Variants in ZC3HAV1 observed in about 807,000 individuals in gnomAD.
ZC3HAV1 encodes zinc finger CCCH-type antiviral protein 1.
ZC3HAV1 carries 41 observed loss-of-function variants against 86.6 expected under a neutral mutation model. That is an observed-to-expected ratio of 0.47 (90% CI 0.37 to 0.61). The LOEUF is 0.61. ZC3HAV1 is among the 20% of genes least tolerant of loss of function. ZC3HAV1 has a pLI of 0.00. For missense variants in ZC3HAV1, 964 were observed against 1,141.1 expected, an observed-to-expected ratio of 0.84 and a Z score of 2.24; for synonymous variants, 421 against 432.1, an observed-to-expected ratio of 0.97 and a Z score of 0.32.
chr7:139,085,938 C>T (rs770887061), intron 2 of ZC3HAV1, among the ~76,000 whole-genome samples: 7 of 151,740 alleles, frequency 4.6e-5, no homozygotes, highest in East Asian at 1.9e-4. Context: ...TGCTTGAACC[C>T]GAGACGGAGG....
intron 6 of ZC3HAV1, 83 bp downstream of exon 6, chr7:139,076,203 T>A: frequency 6.4e-7 from 1 of 1,568,466 alleles, no homozygotes; most frequent in Non-Finnish European, 8.7e-7. Context: ...AAGTGTTTTT[T>A]TCTTTTTCCC....
In ZC3HAV1 at chr7:139,047,328, C is replaced by CAAAAAAA. The variant is rs367919128; in HGVS notation, c.*259_*265dup. The CAAAAAAA allele has an allele frequency of 1.1e-5, 3 of 262,006 alleles. No individual in the cohort carries two copies. Among genetic ancestry groups the CAAAAAAA allele is most frequent in the East Asian group, 1.4e-4 (1 of 6,942 alleles). The allele number at this position is 262,006 out of a possible 1,614,324, so 16.2% of individuals were successfully genotyped here. A position where few individuals can be genotyped will look rare whatever the true frequency, so the allele number is the denominator to read the frequency against. On this transcript the variant is annotated 3_prime_UTR_variant, in exon 13 of 13. Coordinates refer to ENST00000242351, the MANE Select transcript of ZC3HAV1 (RefSeq NM_020119.4). ...TGGACGATGGAGTGAGATTCAGTCT[C>CAAAAAAA]AAAAAAAAAAAAAAAAAAAAAAATA...
rs1563134121 is a variant in ZC3HAV1, at chr7:139,080,188, ATCTCTAC to A, written c.746_752del (p.Ser249IlefsTer81). The A allele has an allele frequency of 6.2e-7, 1 of 1,614,142 alleles. No individual in the cohort carries two copies. The highest frequency in any genetic ancestry group is 1.1e-5 in the South Asian group (1 of 91,084). ...ATTCTTGGCTGCCCTGAAAGAACCGATCTCTACTCTTGCTTCTAGCCCTATATGCCAT... is the reference window on the plus strand; with the variant it reads ...ATTCTTGGCTGCCCTGAAAGAACCGATCTTGCTTCTAGCCCTATATGCCAT... On this transcript the variant is annotated frameshift_variant, in exon 4 of 13. Transcript: ENST00000242351. LOFTEE classifies it high-confidence loss of function.
intron 1 of ZC3HAV1, among the ~76,000 whole-genome samples, chr7:139,101,715 C>T (rs1009988106): frequency 6.6e-6 from 1 of 150,996 alleles, no homozygotes; most frequent in Non-Finnish European, 1.5e-5. Context: ...TACCCCCAAC[C>T]CTGTGCTCTC....
chr7:139,088,827 G>A (rs1030658800), intron 2 of ZC3HAV1, among the ~76,000 whole-genome samples: 4 of 152,206 alleles, frequency 2.6e-5, no homozygotes, highest in Non-Finnish European at 4.4e-5. Context: ...AACAGGCCGG[G>A]TATGGTGGCT....
rs77289885 is a variant in ZC3HAV1 at position 139,075,433 on chromosome 7, T to A, written c.1697+853A>T. 6.7e-3 allele frequency among the ~76,000 whole-genome samples: 1,015 copies of A among 152,182 alleles called. 13 individuals are homozygous for A. The highest frequency in any genetic ancestry group is 0.022 in the African/African-American group (921 of 41,528). On this transcript the variant is annotated intron_variant, in intron 6 of 12. Coordinates refer to ENST00000242351, the MANE Select transcript of ZC3HAV1 (RefSeq NM_020119.4). ...TCAGCTCTTCCAGAAGGAGAAATGT[T>A]TTTACTTATTTATTTTTGAGACAGG...
intron 1 of ZC3HAV1, among the ~76,000 whole-genome samples, chr7:139,104,191 A>G (rs1344191367): frequency 1.3e-5 from 2 of 152,144 alleles, no homozygotes; most frequent in African/African-American, 2.4e-5. Context: ...GAAACAGTCA[A>G]CTAGTCCTCT....
In ZC3HAV1 at chr7:139,080,149, A is replaced by G. The variant is rs1411637914; in HGVS notation, c.792T>C (p.Ala264=). 1 of 1,614,232 alleles carries G rather than the reference A, an allele frequency of 6.2e-7. No individual in the cohort carries two copies. The highest frequency in any genetic ancestry group is 8.5e-7 in the Non-Finnish European group (1 of 1,180,046). Residue 264 remains alanine (A), a synonymous_variant, in exon 4 of 13, where the codon GCT becomes GCC. Coordinates refer to ENST00000242351, the MANE Select transcript of ZC3HAV1 (RefSeq NM_020119.4). The stretch of plus-strand genomic sequence containing the variant: ...TGCAGGACCTCTCAGCAGACGCTGA[A>G]GCAGACGCAAGAAATTCTTGGCTGC... ...FQGSQEFLAS[A]SASAERSCTP...
At position 139,079,774 on chromosome 7, in the gene ZC3HAV1, G is replaced by T. The variant is rs770011735; in HGVS notation, c.1167C>A (p.Gly389=). 1 of 1,614,166 alleles carries T rather than the reference G, an allele frequency of 6.2e-7. No homozygotes were observed. Among genetic ancestry groups the T allele is most frequent in the African/African-American group, 1.3e-5 (1 of 75,046 alleles). ...TCACAGCTTCAGGTGTTTGCAGAGA[G>T]CCAAGAGAAGAGCGGGCGGCAGGTA... ...PTLPAARSSL[G]SLQTPEAVTT... The change falls in exon 4 of 13, where the codon GGC becomes GGA. Residue 389 remains glycine, a synonymous_variant. Transcript: ENST00000242351.
intron 1 of ZC3HAV1, among the ~76,000 whole-genome samples, chr7:139,107,055 A>G (rs182924735): frequency 9.7e-4 from 148 of 152,356 alleles, no homozygotes; most frequent in African/African-American, 3.3e-3. Flanking sequence ...AATCAACACT[A>G]GTTGGTGAAG....
intron 1 of ZC3HAV1, among the ~76,000 whole-genome samples, chr7:139,096,982 G>A (rs889224697): frequency 6.6e-6 from 1 of 151,704 alleles, no homozygotes; most frequent in Non-Finnish European, 1.5e-5. Flanking sequence ...AGTTAGCCGG[G>A]CATGGTGGCA....
intron 7 of ZC3HAV1, among the ~76,000 whole-genome samples, chr7:139,069,787 G>C (rs977391725): frequency 1.3e-5 from 2 of 152,160 alleles, no homozygotes; most frequent in African/African-American, 4.8e-5. Flanking sequence ...TACTCCTCAC[G>C]TTCCTCTTAG....
chr7:139,052,606 CAAAAA>C (rs35386659), intron 12 of ZC3HAV1, among the ~76,000 whole-genome samples: 1 of 64,976 alleles, frequency 1.5e-5, no homozygotes, highest in African/African-American at 4.4e-5. Flanking sequence ...ACTCTGTCTC[CAAAAA>C]AAAAAAAAAA....
In ZC3HAV1 at chr7:139,088,031, C is replaced by CAAAAAAAAAAAAAAA. The variant is rs10544425; in HGVS notation, c.444+1578_444+1592dup. ...CGGGTGACAGAGCAAGATCCTGTCT[C>CAAAAAAAAAAAAAAA]AAAAAAAAAAAAAAAAAAAAAAAAG... On this transcript the variant is annotated intron_variant, in intron 2 of 12. Coordinates refer to ENST00000242351, the MANE Select transcript of ZC3HAV1 (RefSeq NM_020119.4). 6.1e-4 allele frequency among the ~76,000 whole-genome samples: 35 copies of CAAAAAAAAAAAAAAA among 57,838 alleles called. 1 individual carries two copies. Among genetic ancestry groups the CAAAAAAAAAAAAAAA allele is most frequent in the South Asian group, 1.4e-3 (2 of 1,458 alleles). The allele number at this position is 57,838 out of a possible 152,430, so 37.9% of individuals were successfully genotyped here.
intron 6 of ZC3HAV1, 121 bp downstream of exon 6, chr7:139,076,165 T>A (rs563644377): frequency 8.8e-6 from 13 of 1,477,686 alleles, no homozygotes; most frequent in Non-Finnish European, 1.2e-5. Context: ...CAAGAGGTAT[T>A]TCACACTCGA....
chr7:139,075,379 T>C (rs565781497), intron 6 of ZC3HAV1, among the ~76,000 whole-genome samples: 28 of 152,202 alleles, frequency 1.8e-4, no homozygotes, highest in Non-Finnish European at 4.0e-4. Flanking sequence ...ACACCATAGA[T>C]AAATACGGTC....
intron 1 of ZC3HAV1, among the ~76,000 whole-genome samples, chr7:139,105,022 G>A (rs1817890277): frequency 1.5e-5 from 2 of 130,102 alleles, no homozygotes; most frequent in African/African-American, 3.0e-5. Context: ...GACAGAGTGA[G>A]ACTCTGTCTC....
intron 1 of ZC3HAV1, among the ~76,000 whole-genome samples, chr7:139,097,410 A>ATTTTTTTTT (rs1563140546): frequency 2.7e-5 from 2 of 73,122 alleles, no homozygotes; most frequent in Non-Finnish European, 2.4e-5. Context: ...CCATATATAT[A>ATTTTTTTTT]TATATATATA....
intron 2 of ZC3HAV1, among the ~76,000 whole-genome samples, 178 bp from the exon 3 acceptor site, chr7:139,084,210 T>A (rs1251649904): frequency 6.6e-6 from 1 of 152,194 alleles, no homozygotes; most frequent in African/African-American, 2.4e-5. Flanking sequence ...GTGATTTACT[T>A]GGGGCAGAAG....
Sources: allele counts gnomAD v4.1 joint callset (sites outside exome capture counted in the v4.1 genomes callset), GRCh38; gene constraint gnomAD v4.1.1; transcripts MANE v1.5; gene names NCBI Gene and HGNC (gene_info 2026-07-23, HGNC 2026-07-21).